The following FBXL7 variants were observed in gnomAD, a reference collection of about 807,000 sequenced individuals.
FBXL7 encodes the protein F-box/LRR-repeat protein 7.
FBXL7 carries 12 observed loss-of-function variants against 38.3 expected under a neutral mutation model. That is an observed-to-expected ratio of 0.31 (90% CI 0.20 to 0.51). The LOEUF (loss-of-function observed/expected upper bound fraction) is 0.51, where lower values mean the gene tolerates loss of function less well. Ranked by LOEUF, FBXL7 falls within the 20% of genes least tolerant of loss-of-function variation. The pLI is 0.98. For synonymous variants in FBXL7, 297 were observed against 300.9 expected (o/e 0.99, Z 0.13); for missense variants, 567 against 676.4 (o/e 0.84, Z 1.79).
intron 2 of FBXL7, among the ~76,000 whole-genome samples, chr5:15,722,963 GA>G (rs1166622686): frequency 1.3e-5 from 2 of 149,502 alleles, no homozygotes; most frequent in Non-Finnish European, 3.0e-5. Context: ...AAACAACCTG[GA>G]AAAAAATCAC....
intron 2 of FBXL7, among the ~76,000 whole-genome samples, chr5:15,835,838 A>T (rs1738578891): frequency 6.6e-6 from 1 of 152,108 alleles, no homozygotes; most frequent in African/African-American, 2.4e-5. Context: ...CTTTCTGTTA[A>T]GTTGTAGTCC....
chr5:15,598,737 A>G (rs541941308), intron 1 of FBXL7, among the ~76,000 whole-genome samples: 3 of 152,292 alleles, frequency 2.0e-5, no homozygotes, highest in East Asian at 3.9e-4. Flanking sequence ...TTCTTTACCA[A>G]TGAATAACTT....
At chr5:15,900,476 G>A (rs1386804547) in intron 2 of FBXL7, among the ~76,000 whole-genome samples, 2 of 152,108 alleles carry the variant, frequency 1.3e-5, no homozygotes, top group Non-Finnish European at 2.9e-5. Context: ...AGAATGACAG[G>A]TGATGGCATT....
intron 2 of FBXL7, among the ~76,000 whole-genome samples, chr5:15,637,743 G>A (rs1262414766): frequency 1.3e-5 from 2 of 152,168 alleles, no homozygotes; most frequent in Non-Finnish European, 2.9e-5. Flanking sequence ...AATTTGCACA[G>A]AATCATACAG....
chr5:15,836,518 T>G (rs1461385192), intron 2 of FBXL7, among the ~76,000 whole-genome samples: 1 of 151,998 alleles, frequency 6.6e-6, no homozygotes, highest in Non-Finnish European at 1.5e-5. Context: ...GAATAAAGAT[T>G]TGCATGAGGT....
At chr5:15,553,395 G>A (rs1243642163) in intron 1 of FBXL7, among the ~76,000 whole-genome samples, 4 of 152,206 alleles carry the variant, frequency 2.6e-5, no homozygotes, top group Admixed American at 1.3e-4. Context: ...GAATATGTGC[G>A]TATTGTATCT....
intron 2 of FBXL7, among the ~76,000 whole-genome samples, chr5:15,732,496 G>A (rs530733143): frequency 6.1e-4 from 92 of 152,052 alleles, no homozygotes; most frequent in Non-Finnish European, 1.0e-3. Context: ...GCTGCATGGA[G>A]TTTTATATTT....
At position 15,928,409 on chromosome 5, in the gene FBXL7, G is replaced by T; in HGVS notation, c.647G>T (p.Arg216Leu). 1 of 1,614,048 alleles carries T rather than the reference G, an allele frequency of 6.2e-7. No homozygotes were observed. The highest frequency in any genetic ancestry group is 8.5e-7 in the Non-Finnish European group (1 of 1,179,904). ...GCCCAGTGCTGCCCCGAACTGAGGC[G>T]ACTGGAAGTCTCAGGCTGTTACAAT... is the stretch of plus-strand genomic sequence containing the variant. ...TIAQCCPELR[R>L]LEVSGCYNIS... The change falls in exon 3 of 4, where the codon CGA becomes CTA. Residue 216 changes from arginine (R) to leucine (L), a missense_variant. Arg to Leu is a moderately radical substitution (Grantham distance 102, BLOSUM62 -2). Coordinates refer to ENST00000504595, the MANE Select transcript of FBXL7 (RefSeq NM_012304.5). This position sits in a 1 kb window ranked among gnomAD's most constrained non-coding sequence, Gnocchi z 4.0.
At chr5:15,661,995 G>A (rs1179199762) in intron 2 of FBXL7, among the ~76,000 whole-genome samples, 2 of 152,144 alleles carry the variant, frequency 1.3e-5, no homozygotes, top group African/African-American at 4.8e-5. Context: ...ATGAACATTT[G>A]CATGCATGTA....
chr5:15,626,543 C>CGTGTGTGTGTGTGTGTGT (rs1554010324), intron 2 of FBXL7, among the ~76,000 whole-genome samples: 11 of 103,580 alleles, frequency 1.1e-4, no homozygotes, highest in South Asian at 6.0e-4. Flanking sequence ...AAATTCGTTT[C>CGTGTGTGTGTGTGTGTGT]CTGTGTGTGT....
intron 1 of FBXL7, among the ~76,000 whole-genome samples, chr5:15,595,980 GC>G (rs1739615426): frequency 6.6e-6 from 1 of 152,166 alleles, no homozygotes; most frequent in Admixed American, 6.5e-5. Flanking sequence ...TAACAAGATC[GC>G]AGAACACACT....
At chr5:15,878,623 C>T (rs1480157074) in intron 2 of FBXL7, among the ~76,000 whole-genome samples, 1 of 152,162 alleles carries the variant, frequency 6.6e-6, no homozygotes, top group Non-Finnish European at 1.5e-5. Flanking sequence ...AAATCTGGAA[C>T]CCTTTCTAAT....
At chr5:15,817,951 C>A (rs2126760835) in intron 2 of FBXL7, among the ~76,000 whole-genome samples, 1 of 152,242 alleles carries the variant, frequency 6.6e-6, no homozygotes, top group Middle Eastern at 3.4e-3. Context: ...GATAGAGTCA[C>A]CTAGCGCTTA....
rs1305803599 is a variant in FBXL7 at position 15,699,326 on chromosome 5, C to T, written c.127+83254C>T. ...GCACAGGGCCAAGGTCCCTCTGAGA[C>T]TGTGGGTAGCGACCTTCCCTGCCTC... On this transcript the variant is annotated intron_variant, in intron 2 of 3. Coordinates refer to ENST00000504595, the MANE Select transcript of FBXL7 (RefSeq NM_012304.5). Among the ~76,000 whole-genome samples, 12 of 152,316 alleles carry T rather than the reference C, an allele frequency of 7.9e-5. No individual in the cohort carries two copies. In the East Asian group the frequency reaches 2.3e-3, roughly 29 times the overall value.
chr5:15,542,392 T>C (rs1238712235), intron 1 of FBXL7, among the ~76,000 whole-genome samples: 2 of 152,228 alleles, frequency 1.3e-5, no homozygotes, highest in East Asian at 3.8e-4. Flanking sequence ...AGGTACAGAA[T>C]GCATAGAAGA....
intron 2 of FBXL7, among the ~76,000 whole-genome samples, chr5:15,810,823 ATC>A (rs1307965860): frequency 6.6e-6 from 1 of 152,134 alleles, no homozygotes. Context: ...CAAGGGACAG[ATC>A]TCTCTTATTT....
chr5:15,848,077 G>C (rs968017599), intron 2 of FBXL7, among the ~76,000 whole-genome samples: 2 of 152,270 alleles, frequency 1.3e-5, no homozygotes, highest in Middle Eastern at 3.4e-3. Context: ...GTTTAAAGCC[G>C]TTGAGTTTAT....
chr5:15,670,904 A>G (rs1185763704), intron 2 of FBXL7, among the ~76,000 whole-genome samples: 2 of 152,134 alleles, frequency 1.3e-5, no homozygotes, highest in African/African-American at 2.4e-5. Context: ...CTCACTATCT[A>G]GTTCTTTATC....
At position 15,503,143 on chromosome 5, in the gene FBXL7, G is replaced by A. The variant is rs1736545058; in HGVS notation, c.37+2430G>A. Among the ~76,000 whole-genome samples, 4 of 152,262 alleles carry A rather than the reference G, an allele frequency of 2.6e-5. No individual in the cohort carries two copies. The South Asian group carries it at 6.2e-4, about 24-fold the overall frequency. ...TGTACCTGTAACAATAGCTGAGGTC[G>A]GGCGCGGTGGCCCACACCTGTAATC... On this transcript the variant is annotated intron_variant, in intron 1 of 3. Coordinates refer to ENST00000504595, the MANE Select transcript of FBXL7 (RefSeq NM_012304.5).
Sources: allele counts gnomAD v4.1 joint callset (sites outside exome capture counted in the v4.1 genomes callset), GRCh38; gene constraint gnomAD v4.1.1; non-coding constraint Gnocchi (gnomAD v3.1); transcripts MANE v1.5; gene names NCBI Gene and HGNC (gene_info 2026-07-23, HGNC 2026-07-21).